Variants in SCN1A observed in about 807,000 individuals in gnomAD.
SCN1A encodes sodium voltage-gated channel alpha subunit 1, also known as sodium channel protein type 1 subunit alpha.
In SCN1A, 13 loss-of-function variants were observed where a neutral mutation model predicts 193.7. The observed-to-expected ratio is 0.07, with a 90% CI of 0.04 to 0.11. SCN1A has a LOEUF of 0.11. SCN1A is among the 10% of genes least tolerant of loss of function. The probability of loss-of-function intolerance (pLI) is 1.00; values close to 1 mark genes in which losing one functional copy is unlikely to be tolerated. For synonymous variants in SCN1A, 781 were observed against 843.6 expected (o/e 0.93, Z 1.29); for missense variants, 1,432 against 2,451.1 (o/e 0.58, Z 8.78).
Position 166,120,641 on chromosome 2 carries a change from C to T in SCN1A, c.-142+6283G>A, listed in dbSNP as rs374125222. ...TTTTTTTTTGAGACAGAGTCTTGCTCTGTCATCCAGACGCCAGGCCGGAGT... is the reference window on the plus strand; with the variant it reads ...TTTTTTTTTGAGACAGAGTCTTGCTTTGTCATCCAGACGCCAGGCCGGAGT... On this transcript the variant is annotated intron_variant, in intron 2 of 28. Transcript: ENST00000674923. Among the ~76,000 whole-genome samples the T allele has an allele frequency of 1.6e-4, 17 of 106,046 alleles. 1 individual carries two copies. In the East Asian group the frequency reaches 5.3e-3, roughly 33 times the overall value. The allele number at this position is 106,046 out of a possible 152,430, so 69.6% of individuals were successfully genotyped here.
chr2:166,110,856 G>C (rs2074768580), intron 2 of SCN1A, among the ~76,000 whole-genome samples: 1 of 152,126 alleles, frequency 6.6e-6, no homozygotes, highest in Non-Finnish European at 1.5e-5. Context: ...TTGTGGTAGT[G>C]AATAAGTCTC....
At chr2:166,038,200 T>A in intron 17 of SCN1A, 68 bp from the exon 18 acceptor site, 1 of 1,199,820 alleles carries the variant, frequency 8.3e-7, no homozygotes, top group Non-Finnish European at 1.2e-6. Context: ...GAGCTTTACC[T>A]AGAAATGGTC....
chr2:166,032,933 C>G (rs1249025010), intron 19 of SCN1A, among the ~76,000 whole-genome samples: 1 of 152,090 alleles, frequency 6.6e-6, no homozygotes, highest in African/African-American at 2.4e-5. Flanking sequence ...CAAGTATGCT[C>G]TAATCAGAGA....
intron 2 of SCN1A, among the ~76,000 whole-genome samples, chr2:166,098,795 GCTAAC>G (rs1687693625): frequency 6.6e-6 from 1 of 152,070 alleles, no homozygotes; most frequent in Non-Finnish European, 1.5e-5. Flanking sequence ...TAGTAACACA[GCTAAC>G]CAGGGAGATG....
upstream of SCN1A, among the ~76,000 whole-genome samples, chr2:166,130,843 G>T (rs145230003): frequency 1.0e-3 from 155 of 152,248 alleles, no homozygotes; most frequent in African/African-American, 3.2e-3. Context: ...GTTTCAGACT[G>T]AGCATAAAGG....
At chr2:166,008,187 G>A (rs78349362) in intron 23 of SCN1A, among the ~76,000 whole-genome samples, 2,285 of 151,146 alleles carry the variant, frequency 0.015, 65 homozygotes, top group African/African-American at 0.053. Context: ...TATAGATATG[G>A]TTATTTCTGA....
upstream of SCN1A, among the ~76,000 whole-genome samples, chr2:166,130,606 T>C (rs1558908960): frequency 6.6e-6 from 1 of 152,230 alleles, no homozygotes; most frequent in Non-Finnish European, 1.5e-5. Flanking sequence ...TTGTTAATTA[T>C]AGAACAATTT....
chr2:166,117,843 A>C lies in SCN1A; in HGVS notation c.-142+9081T>G, dbSNP rs192920159. ...CTGGGTGTGGTAGTGTGCGCCTGTA[A>C]TCCCAGCTACTCAGGAGGCTGAGGC... On this transcript the variant is annotated intron_variant, in intron 2 of 28. Transcript: ENST00000674923. Among the ~76,000 whole-genome samples the C allele has an allele frequency of 6.7e-4, 102 of 152,090 alleles. 3 individuals carry two copies. The highest frequency in any genetic ancestry group is 6.8e-3 in the Middle Eastern group (2 of 292).
At chr2:165,985,598 C>G (rs905170438), downstream of SCN1A, 3 of 152,056 alleles carry the variant, frequency 2.0e-5, no homozygotes, top group Admixed American at 1.3e-4. Flanking sequence ...ATAAAGGACT[C>G]AAGCAGTTGA....
intron 19 of SCN1A, among the ~76,000 whole-genome samples, chr2:166,027,845 A>C (rs1409027886): frequency 6.6e-6 from 1 of 152,084 alleles, no homozygotes; most frequent in Admixed American, 6.5e-5. Flanking sequence ...ATGCATATTA[A>C]AAATTAAAAT....
At chr2:166,116,230 T>A (rs1689845438) in intron 2 of SCN1A, among the ~76,000 whole-genome samples, 1 of 152,154 alleles carries the variant, frequency 6.6e-6, no homozygotes, top group South Asian at 2.1e-4. Context: ...AGGTTCTAAT[T>A]GAGGGAAGGG....
chr2:166,072,480 G>A (rs59625150), intron 4 of SCN1A, among the ~76,000 whole-genome samples: 11,702 of 152,026 alleles, frequency 0.077, 1,222 homozygotes, highest in African/African-American at 0.24. Flanking sequence ...GCCAATATTA[G>A]TACATTAATA....
At chr2:166,015,531 G>A in intron 20 of SCN1A, 76 bp downstream of exon 20, 1 of 1,556,248 alleles carries the variant, frequency 6.4e-7, no homozygotes, top group Middle Eastern at 1.7e-4. Context: ...TATTATATGT[G>A]ATTTATTTTA....
At chr2:166,028,461 C>T (rs887566799) in intron 19 of SCN1A, among the ~76,000 whole-genome samples, 3 of 151,976 alleles carry the variant, frequency 2.0e-5, no homozygotes, top group East Asian at 1.9e-4. Flanking sequence ...AACTGTATAT[C>T]TATATAATGA....
intron 20 of SCN1A, among the ~76,000 whole-genome samples, chr2:166,014,642 CAAAA>C (rs77406188): frequency 1.5e-5 from 1 of 67,368 alleles, no homozygotes; most frequent in Non-Finnish European, 3.4e-5. Context: ...TGCTCCAAGG[CAAAA>C]AAAAAAAAAA....
chr2:166,051,689 T>G, intron 9 of SCN1A, 30 bp downstream of exon 9: 1 of 1,536,474 alleles, frequency 6.5e-7, no homozygotes, highest in Non-Finnish European at 8.9e-7. Flanking sequence ...TTCTACTTTT[T>G]AAGGAAATGT....
intron 19 of SCN1A, among the ~76,000 whole-genome samples, chr2:166,035,184 C>T (rs1696164670): frequency 6.6e-6 from 1 of 152,170 alleles, no homozygotes; most frequent in African/African-American, 2.4e-5. Flanking sequence ...ACTCTCGGCA[C>T]TCCCCTCACT....
At chr2:166,073,315 G>A (rs1309932573) in intron 4 of SCN1A, 43 bp downstream of exon 4, 1 of 1,610,362 alleles carries the variant, frequency 6.2e-7, no homozygotes, top group Admixed American at 1.7e-5. Context: ...AAGGAATGCA[G>A]TAGGCAATTA....
At chr2:166,046,319 C>G (rs1309315444) in intron 12 of SCN1A, among the ~76,000 whole-genome samples, 2 of 152,080 alleles carry the variant, frequency 1.3e-5, no homozygotes, top group African/African-American at 4.8e-5. Flanking sequence ...ATTATTTGAT[C>G]ACTTCCTTAT....
Sources: gnomAD v4.1 joint callset for allele counts (sites outside exome capture counted in the v4.1 genomes callset) on GRCh38, gnomAD v4.1.1 for gene constraint, MANE v1.5 for transcripts, NCBI Gene and HGNC (gene_info 2026-07-23, HGNC 2026-07-21) for gene names.